The following ABRACL variants were observed in gnomAD, a reference collection of about 807,000 sequenced individuals.
The protein encoded by ABRACL is ABRA C-terminal like.
ABRACL carries 4 observed loss-of-function variants against 7.0 expected under a neutral mutation model. The ratio of observed to expected loss-of-function variants is 0.57; its 90% confidence interval spans 0.28 to 1.30. The LOEUF (loss-of-function observed/expected upper bound fraction) is 1.30, where lower values mean the gene tolerates loss of function less well. Ranked by LOEUF, ABRACL falls within the 50% of genes most tolerant of loss-of-function variation. ABRACL has a pLI of 0.10. For missense variants in ABRACL, 104 were observed against 97.3 expected (o/e 1.07, Z -0.29); for synonymous variants, 30 against 36.0 (o/e 0.83, Z 0.60).
Position 139,034,331 on chromosome 6 carries a change from G to A in ABRACL, c.61+110G>A, listed in dbSNP as rs535764491. ...GGTCACCCAGGGCTTCAGGACACAG[G>A]TCTGGGAGCTCTGCCCACAGCCCCA... On this transcript the variant is annotated intron_variant, in intron 2 of 2. Coordinates refer to ENST00000367660, the MANE Select transcript of ABRACL (RefSeq NM_021243.3). 52 of 1,598,166 alleles carry A rather than the reference G, an allele frequency of 3.3e-5. No homozygotes were observed. In the African/African-American group the frequency reaches 4.8e-4, roughly 15 times the overall value.
chr6:139,029,869 C>A (rs1562217960), intron 1 of ABRACL, among the ~76,000 whole-genome samples: 1 of 152,168 alleles, frequency 6.6e-6, no homozygotes, highest in Non-Finnish European at 1.5e-5. Context: ...ATTAGAAAAT[C>A]TCCATGCATT....
chr6:139,030,561 T>C (rs1786067094), intron 1 of ABRACL, among the ~76,000 whole-genome samples: 1 of 152,236 alleles, frequency 6.6e-6, no homozygotes, highest in South Asian at 2.1e-4. Context: ...AATAAATAAA[T>C]AAAACGTCAA....
chr6:139,037,390 A>G (rs185499072), intron 2 of ABRACL, among the ~76,000 whole-genome samples: 94 of 152,072 alleles, frequency 6.2e-4, no homozygotes, highest in Admixed American at 6.2e-3. Context: ...CCTCCCTGGT[A>G]GCTGGTATTA....
chr6:139,031,283 A>G (rs1024879524), intron 1 of ABRACL, among the ~76,000 whole-genome samples: 5 of 152,208 alleles, frequency 3.3e-5, no homozygotes, highest in Admixed American at 2.0e-4. Flanking sequence ...ATTGTTGGGC[A>G]ATTTTAATTG....
chr6:139,041,531 A>ATATATTTTT (rs748288046), intron 2 of ABRACL, among the ~76,000 whole-genome samples: 98 of 126,036 alleles, frequency 7.8e-4, no homozygotes, highest in African/African-American at 2.6e-3. Context: ...ATATATATAT[A>ATATATTTTT]TTTTTTTTTA....
At chr6:139,030,776 T>C (rs1786070303) in intron 1 of ABRACL, among the ~76,000 whole-genome samples, 2 of 152,152 alleles carry the variant, frequency 1.3e-5, no homozygotes, top group South Asian at 4.1e-4. Flanking sequence ...GCCACCACGA[T>C]GTGGTAGAGA....
At chr6:139,034,988 C>A (rs1405362302) in intron 2 of ABRACL, among the ~76,000 whole-genome samples, 10 of 152,118 alleles carry the variant, frequency 6.6e-5, no homozygotes, top group Non-Finnish European at 1.2e-4. Flanking sequence ...TATTCAGCAA[C>A]AACTAGGATA....
chr6:139,029,695 C>T (rs750342358), intron 1 of ABRACL, among the ~76,000 whole-genome samples: 13 of 152,026 alleles, frequency 8.6e-5, no homozygotes, highest in Non-Finnish European at 1.3e-4. Context: ...GGAGTGAGCG[C>T]GCCCCAGACC....
Position 139,042,751 on chromosome 6 carries a change from G to T in ABRACL, c.94G>T (p.Val32Phe). ...ADGKLSVKFG[V>F]LFRDDKCANL... ...TGGAAAGTTAAGCGTGAAATTTGGG[G>T]TCCTCTTCCGTGATGATAAATGTGC... Residue 32 changes from valine (V) to phenylalanine (F), a missense_variant, in exon 3 of 3, where the codon GTC becomes TTC. Coordinates refer to ENST00000367660, the MANE Select transcript of ABRACL (RefSeq NM_021243.3). The T allele has an allele frequency of 6.2e-7, 1 of 1,611,526 alleles. No individual in the cohort carries two copies. Among genetic ancestry groups the T allele is most frequent in the Non-Finnish European group, 8.5e-7 (1 of 1,179,152 alleles).
intron 2 of ABRACL, among the ~76,000 whole-genome samples, chr6:139,036,932 C>T (rs561050925): frequency 1.3e-5 from 2 of 151,968 alleles, no homozygotes; most frequent in South Asian, 2.1e-4. Flanking sequence ...TGCAGTGAGC[C>T]GTGTTCAAGC....
intron 2 of ABRACL, among the ~76,000 whole-genome samples, chr6:139,040,385 G>A (rs1181379459): frequency 1.3e-5 from 2 of 152,180 alleles, no homozygotes; most frequent in South Asian, 2.1e-4. Context: ...AGATTGAGGG[G>A]TGAGGGGGCA....
At position 139,042,716 on chromosome 6, in the gene ABRACL, T is replaced by C. The variant is rs370507126; in HGVS notation, c.62-3T>C. ...TTGCTAACAATGTATTTTCTCAAAC[T>C]AGATGCTGATGGAAAGTTAAGCGTG... On this transcript the variant is annotated splice_polypyrimidine_tract_variant and splice_region_variant and intron_variant, in intron 2 of 2. Coordinates refer to ENST00000367660, the MANE Select transcript of ABRACL (RefSeq NM_021243.3). 38 of 1,609,370 alleles carry C rather than the reference T, an allele frequency of 2.4e-5. No homozygotes were observed. Among genetic ancestry groups the C allele is most frequent in the Admixed American group, 1.4e-4 (8 of 59,246 alleles).
At position 139,034,175 on chromosome 6, in the gene ABRACL, C is replaced by T. The variant is rs369471986; in HGVS notation, c.15C>T (p.His5=). The T allele has an allele frequency of 1.9e-5, 31 of 1,614,210 alleles. No homozygotes were observed. The highest frequency in any genetic ancestry group is 1.6e-4 in the Middle Eastern group (1 of 6,062). MNVD[H]EVNLLVEEIH... is the part of the protein sequence containing the mutation. The stretch of plus-strand genomic sequence containing the variant: ...CCCAGGCAGCAATGAATGTGGATCA[C>T]GAGGTTAACCTCTTAGTGGAGGAAA... The change falls in exon 2 of 3, where the codon CAC becomes CAT. Residue 5 remains histidine, a synonymous_variant. Transcript: ENST00000367660.
chr6:139,030,216 C>G (rs1371813079), intron 1 of ABRACL, among the ~76,000 whole-genome samples: 1 of 151,604 alleles, frequency 6.6e-6, no homozygotes, highest in African/African-American at 2.4e-5. Context: ...GTGTTACATT[C>G]GTATAACCAA....
At chr6:139,041,449 C>CTATATATATATATATATATATT (rs1283788812) in intron 2 of ABRACL, among the ~76,000 whole-genome samples, 1 of 81,878 alleles carries the variant, frequency 1.2e-5, no homozygotes, top group African/African-American at 4.1e-5. Flanking sequence ...CTCTCTCTCT[C>CTATATATATATATATATATATT]TCTATATATA....
intron 2 of ABRACL, chr6:139,034,460 G>C: frequency 1.4e-6 from 2 of 1,440,302 alleles, no homozygotes; most frequent in Non-Finnish European, 9.2e-7. Flanking sequence ...ATTATTTTTC[G>C]ATAGAAAGCA....
intron 2 of ABRACL, among the ~76,000 whole-genome samples, chr6:139,041,656 C>T (rs756599921): frequency 7.3e-5 from 11 of 151,388 alleles, no homozygotes; most frequent in African/African-American, 9.7e-5. Context: ...CCGTTGCACT[C>T]GGCCGGGATG....
intron 2 of ABRACL, among the ~76,000 whole-genome samples, chr6:139,036,327 A>T (rs1455510916): frequency 6.6e-6 from 1 of 152,056 alleles, no homozygotes; most frequent in East Asian, 1.9e-4. Flanking sequence ...TAGGGTCCTT[A>T]ATTGAATTGC....
At chr6:139,036,916 C>T (rs772953992) in intron 2 of ABRACL, among the ~76,000 whole-genome samples, 10 of 152,024 alleles carry the variant, frequency 6.6e-5, no homozygotes, top group Non-Finnish European at 7.4e-5. Context: ...CTCAGGACGT[C>T]GAGGCTGCAG....
Sources: gnomAD v4.1 joint callset for allele counts (sites outside exome capture counted in the v4.1 genomes callset) on GRCh38, gnomAD v4.1.1 for gene constraint, MANE v1.5 for transcripts, NCBI Gene and HGNC (gene_info 2026-07-23, HGNC 2026-07-21) for gene names.